CNOT6L: variants seen among roughly 807,000 people sequenced by gnomAD.
The protein encoded by CNOT6L is CCR4-NOT transcription complex subunit 6-like.
A neutral mutation model predicts 64.0 loss-of-function variants in CNOT6L; 7 were observed. The ratio of observed to expected loss-of-function variants is 0.11; its 90% CI spans 0.06 to 0.21. The LOEUF is 0.21. Among genes scored for constraint, CNOT6L ranks in the 10% least tolerant of loss-of-function variants. The probability of loss-of-function intolerance (pLI) is 1.00; values close to 1 mark genes in which losing one functional copy is unlikely to be tolerated. For synonymous variants in CNOT6L, 193 were observed against 243.4 expected (o/e 0.79, Z 1.93); for missense variants, 245 against 669.0 (o/e 0.37, Z 6.99).
upstream of CNOT6L, among the ~76,000 whole-genome samples, chr4:77,819,946 G>A (rs1308248269): frequency 1.3e-5 from 2 of 151,742 alleles, no homozygotes; most frequent in African/African-American, 4.8e-5. Context: ...CCGGCGCGAA[G>A]GCCCCAGCCG....
At position 77,726,253 on chromosome 4, in the gene CNOT6L, C is replaced by T. The variant is rs1721836894; in HGVS notation, c.1369G>A (p.Glu457Lys). The T allele has an allele frequency of 1.2e-6, 2 of 1,613,770 alleles. No homozygotes were observed. Residue 457 changes from glutamate (E) to lysine (K), a missense_variant, in exon 11 of 12, where the codon GAA becomes AAA. Glu to Lys is a moderately conservative substitution (Grantham distance 56). Transcript: ENST00000504123. ...TGGAAGCCATGTGTGATTCTCCCTTCTGAGCTTCCATTCTTTCCATTGCAG... is the reference window on the plus strand; with the variant it reads ...TGGAAGCCATGTGTGATTCTCCCTTTTGAGCTTCCATTCTTTCCATTGCAG... Reference protein sequence around the residue: ...FSCNGKNGSSEGRITHGFQLK... With the variant: ...FSCNGKNGSSKGRITHGFQLK...
intron 1 of CNOT6L, among the ~76,000 whole-genome samples, chr4:77,789,308 C>G (rs935437943): frequency 2.0e-5 from 3 of 152,058 alleles, no homozygotes; most frequent in African/African-American, 7.2e-5. Context: ...CCACGCTCCC[C>G]CCAACCCCGC....
intron 1 of CNOT6L, among the ~76,000 whole-genome samples, chr4:77,801,688 AT>A (rs1731579618): frequency 6.3e-5 from 1 of 15,984 alleles, no homozygotes; most frequent in African/African-American, 2.3e-4. Context: ...GAAGATAAAA[AT>A]TGGGGGGGGG....
chr4:77,760,191 G>A lies in CNOT6L; in HGVS notation c.401-3240C>T, dbSNP rs186061165. Reference sequence around the variant, plus strand: ...AGTTCAAGACCAGCCTGGGCAACATGGTGAGACCCCCATCTCTACAAACAA... The same window carrying A: ...AGTTCAAGACCAGCCTGGGCAACATAGTGAGACCCCCATCTCTACAAACAA... On this transcript the variant is annotated intron_variant, in intron 4 of 11. Coordinates refer to ENST00000504123, the MANE Select transcript of CNOT6L (RefSeq NM_144571.3). Among the ~76,000 whole-genome samples, 295 of 152,088 alleles carry A rather than the reference G, an allele frequency of 1.9e-3. 2 individuals are homozygous for A. Among genetic ancestry groups the A allele is most frequent in the Middle Eastern group, 0.017 (5 of 294 alleles).
chr4:77,766,018 T>C (rs1045653971), intron 4 of CNOT6L, among the ~76,000 whole-genome samples: 2 of 152,218 alleles, frequency 1.3e-5, no homozygotes, highest in Non-Finnish European at 2.9e-5. Context: ...AGGAATCTTA[T>C]GTCTTCTGCC....
chr4:77,802,355 A>C (rs1166316296), intron 1 of CNOT6L, among the ~76,000 whole-genome samples: 1 of 152,228 alleles, frequency 6.6e-6, no homozygotes, highest in African/African-American at 2.4e-5. Flanking sequence ...TTGCATATGC[A>C]CATATCCTTT....
chr4:77,820,242 G>A (rs1560446977), upstream of CNOT6L, among the ~76,000 whole-genome samples: 1 of 152,164 alleles, frequency 6.6e-6, no homozygotes, highest in Non-Finnish European at 1.5e-5. Flanking sequence ...GAGGAGGGTT[G>A]ATTGACGTGG....
At chr4:77,789,526 T>A (rs1729858592) in intron 1 of CNOT6L, among the ~76,000 whole-genome samples, 1 of 145,526 alleles carries the variant, frequency 6.9e-6, no homozygotes, top group Non-Finnish European at 1.5e-5. Context: ...AAAATAAAAT[T>A]AGCTGGGGTG....
intron 1 of CNOT6L, among the ~76,000 whole-genome samples, chr4:77,795,822 G>A (rs953372990): frequency 3.9e-5 from 6 of 152,052 alleles, no homozygotes; most frequent in African/African-American, 1.4e-4. Flanking sequence ...ACATTACTGA[G>A]AAAAATTAAA....
chr4:77,818,907 C>CCCG, intron 1 of CNOT6L: 1 of 547,556 alleles, frequency 1.8e-6, no homozygotes, highest in Non-Finnish European at 3.4e-6. Context: ...CTCTCCCAGC[C>CCCG]CCGCTGCCGC....
intron 4 of CNOT6L, among the ~76,000 whole-genome samples, chr4:77,767,062 C>CAAAAA (rs56926683): frequency 2.7e-4 from 7 of 25,926 alleles, no homozygotes; most frequent in East Asian, 1.4e-3. Context: ...AACTCCGTCT[C>CAAAAA]AAAAAAAAAA....
chr4:77,776,948 A>G (rs72864978), intron 1 of CNOT6L, among the ~76,000 whole-genome samples: 3,439 of 152,318 alleles, frequency 0.023, 122 homozygotes, highest in African/African-American at 0.079. Flanking sequence ...GCTGGCAGCC[A>G]CGCAACAACG....
At chr4:77,749,745 G>C (rs1724639965) in intron 5 of CNOT6L, among the ~76,000 whole-genome samples, 1 of 152,164 alleles carries the variant, frequency 6.6e-6, no homozygotes, top group African/African-American at 2.4e-5. Context: ...AAATTTTTAA[G>C]TTCAATAACA....
In CNOT6L at chr4:77,755,240, T is replaced by G. The variant is rs1299902098; in HGVS notation, c.490+1622A>C. 2.3e-4 allele frequency among the ~76,000 whole-genome samples: 29 copies of G among 127,990 alleles called. 1 individual carries two copies. Among genetic ancestry groups the G allele is most frequent in the African/African-American group, 2.9e-4 (10 of 34,052 alleles). The allele number at this position is 127,990 out of a possible 152,430, so 84.0% of individuals were successfully genotyped here. A position where few individuals can be genotyped will look rare whatever the true frequency, so the allele number is the denominator to read the frequency against. ...AGACAAGAGTTTTTTTTTTTTTTTT[T>G]TTTTTTTTTTTTTTTTTTGAGACGG... On this transcript the variant is annotated intron_variant, in intron 5 of 11. Transcript: ENST00000504123.
rs878993179 is a variant in CNOT6L, at chr4:77,715,270, T to G, written c.*5161A>C. On this transcript the variant is annotated 3_prime_UTR_variant, in exon 12 of 12. Transcript: ENST00000504123. ...AGAGTCATATCACTTGGCATTTGTATATCCTTTCCATAATGTGATTTGTTT... is the reference window on the plus strand; with the variant it reads ...AGAGTCATATCACTTGGCATTTGTAGATCCTTTCCATAATGTGATTTGTTT... 5.3e-5 allele frequency: 8 copies of G among 152,256 alleles called. No individual in the cohort carries two copies. The highest frequency in any genetic ancestry group is 4.6e-4 in the Admixed American group (7 of 15,262). The allele number at this position is 152,256 out of a possible 1,614,324, so 9.4% of individuals were successfully genotyped here. A position where few individuals can be genotyped will look rare whatever the true frequency, so the allele number is the denominator to read the frequency against.
chr4:77,754,756 A>T (rs184897654), intron 5 of CNOT6L, among the ~76,000 whole-genome samples: 29 of 151,942 alleles, frequency 1.9e-4, no homozygotes, highest in African/African-American at 7.0e-4. Context: ...CTACACATAC[A>T]TTGACACCTG....
intron 1 of CNOT6L, among the ~76,000 whole-genome samples, chr4:77,782,599 C>T (rs557734624): frequency 6.6e-6 from 1 of 151,798 alleles, no homozygotes; most frequent in South Asian, 2.1e-4. Flanking sequence ...CCTTGGCCTC[C>T]CAGTGCTACT....
At chr4:77,818,584 C>G (rs565658576) in intron 1 of CNOT6L, among the ~76,000 whole-genome samples, 4 of 152,388 alleles carry the variant, frequency 2.6e-5, no homozygotes, top group East Asian at 1.9e-4. Context: ...ACTGACTGTT[C>G]TGATTCACTT....
At chr4:77,755,164 G>GAC (rs1247526769) in intron 5 of CNOT6L, among the ~76,000 whole-genome samples, 2 of 143,108 alleles carry the variant, frequency 1.4e-5, no homozygotes, top group East Asian at 2.1e-4. Flanking sequence ...CCTTACAAAT[G>GAC]ACACACACAC....
Sources: gnomAD v4.1 joint callset for allele counts (sites outside exome capture counted in the v4.1 genomes callset) on GRCh38, gnomAD v4.1.1 for gene constraint, MANE v1.5 for transcripts, NCBI Gene and HGNC (gene_info 2026-07-23, HGNC 2026-07-21) for gene names.